THRA: variants seen among roughly 807,000 people sequenced by gnomAD.
THRA encodes the protein thyroid hormone receptor alpha.
THRA carries 13 observed loss-of-function variants against 45.0 expected under a neutral mutation model. The ratio of observed to expected loss-of-function variants is 0.29; its 90% CI spans 0.19 to 0.46. The LOEUF is 0.46. Among genes scored for constraint, THRA ranks in the 20% least tolerant of loss-of-function variants. The pLI is 1.00. For missense variants in THRA, 278 were observed against 556.1 expected, an observed-to-expected ratio of 0.50 and a Z score of 5.03; for synonymous variants, 195 against 214.0, an observed-to-expected ratio of 0.91 and a Z score of 0.78.
At chr17:40,086,946 G>A in intron 7 of THRA, 93 bp downstream of exon 7, 1 of 1,548,300 alleles carries the variant, frequency 6.5e-7, no homozygotes, top group East Asian at 2.3e-5. Context: ...AGGTTCTCTG[G>A]ACAAGGAGCA....
chr17:40,092,721 G>C lies in THRA; in HGVS notation c.*3265G>C, dbSNP rs1987626756. Reference sequence around the variant, plus strand: ...CCACCCCACAAACTGACCAGATGGAGAGGTGGCCCCCCCCAGCCTTGGCAG... The same window carrying C: ...CCACCCCACAAACTGACCAGATGGACAGGTGGCCCCCCCCAGCCTTGGCAG... On this transcript the variant is annotated 3_prime_UTR_variant, in exon 9 of 9. Coordinates refer to ENST00000450525, the MANE Select transcript of THRA (RefSeq NM_199334.5). 1 of 351,150 alleles carries C rather than the reference G, an allele frequency of 2.8e-6. No homozygotes were observed. The highest frequency in any genetic ancestry group is 4.2e-5 in the Admixed American group (1 of 24,066). The allele number at this position is 351,150 out of a possible 1,614,324, so 21.8% of individuals were successfully genotyped here. A position where few individuals can be genotyped will look rare whatever the true frequency, so the allele number is the denominator to read the frequency against.
At position 40,068,015 on chromosome 17, in the gene THRA, C is replaced by A. The variant is rs932072699; in HGVS notation, c.-298+4923C>A. ...AGCCTGAACAACAGAGTGAGACCCCCCACACACACATCCTCTCAAAACAGA... is the reference window on the plus strand; with the variant it reads ...AGCCTGAACAACAGAGTGAGACCCCACACACACACATCCTCTCAAAACAGA... On this transcript the variant is annotated intron_variant, in intron 1 of 8. Transcript: ENST00000450525. 1.6e-4 allele frequency among the ~76,000 whole-genome samples: 25 copies of A among 152,252 alleles called. No homozygotes were observed. The East Asian group carries it at 3.9e-3, about 24-fold the overall frequency.
Position 40,088,368 on chromosome 17 carries a change from C to T in THRA, c.850C>T (p.Arg284Trp), listed in dbSNP as rs772512292. The T allele has an allele frequency of 6.2e-7, 1 of 1,614,110 alleles. No homozygotes were observed. The highest frequency in any genetic ancestry group is 8.5e-7 in the Non-Finnish European group (1 of 1,179,986). The change falls in exon 8 of 9, where the codon CGG (arginine) becomes TGG (tryptophan). Residue 284 changes from arginine to tryptophan, a missense_variant. Physicochemically the swap from Arg to Trp is moderately radical, Grantham distance 101. Transcript: ENST00000450525. ...LTLSGEMAVKREQLKNGGLGV... is the reference protein window; with the variant it reads ...LTLSGEMAVKWEQLKNGGLGV... ...GCTGAGTGGGGAGATGGCTGTCAAGCGGGAGCAGCTCAAGAATGGCGGCCT... is the reference window on the plus strand; with the variant it reads ...GCTGAGTGGGGAGATGGCTGTCAAGTGGGAGCAGCTCAAGAATGGCGGCCT...
intron 2 of THRA, among the ~76,000 whole-genome samples, chr17:40,074,821 C>G (rs1331209549): frequency 1.3e-5 from 2 of 152,210 alleles, no homozygotes; most frequent in African/African-American, 4.8e-5. Flanking sequence ...TCAGATGCCC[C>G]CAACGTCCCT....
rs1232721736 is a variant in THRA at position 40,089,472 on chromosome 17, G to C, written c.*16G>C. The C allele has an allele frequency of 1.9e-6, 3 of 1,613,130 alleles. No individual in the cohort carries two copies. The highest frequency in any genetic ancestry group is 2.2e-5 in the South Asian group (2 of 90,982). ...GGAAGTCTAAAGCCTCAGGCGGCCAGAGGGTGTGCGGAGCTGGTGGGGAGG... is the reference window on the plus strand; with the variant it reads ...GGAAGTCTAAAGCCTCAGGCGGCCACAGGGTGTGCGGAGCTGGTGGGGAGG... On this transcript the variant is annotated 3_prime_UTR_variant, in exon 9 of 9. Coordinates refer to ENST00000450525, the MANE Select transcript of THRA (RefSeq NM_199334.5). The surrounding 1 kb of genome is among the most constrained non-coding windows in gnomAD (Gnocchi z 6.1).
intron 1 of THRA, among the ~76,000 whole-genome samples, chr17:40,063,479 G>GC (rs909810327): frequency 8.9e-4 from 136 of 151,970 alleles, no homozygotes; most frequent in African/African-American, 2.4e-3. Context: ...CCGGAGGCCT[G>GC]CCCCCCCAGC....
At chr17:40,087,440 GACAC>G (rs1054027774) in intron 7 of THRA, among the ~76,000 whole-genome samples, 2 of 148,452 alleles carry the variant, frequency 1.3e-5, no homozygotes, top group Non-Finnish European at 3.0e-5. Flanking sequence ...ACACCTAGCA[GACAC>G]ACACATAGAT....
intron 4 of THRA, among the ~76,000 whole-genome samples, chr17:40,082,758 CTTTTTTTTTTTTTTTT>C (rs920725279): frequency 1.5e-5 from 1 of 67,516 alleles, no homozygotes; most frequent in Non-Finnish European, 2.9e-5. Context: ...GAATCGCATG[CTTTTTTTTTTTTTTTT>C]TTTTTTTTTT....
In THRA at chr17:40,087,048, CACAT is replaced by C. The variant is rs1273596797; in HGVS notation, c.723+199_723+202del. On this transcript the variant is annotated intron_variant, in intron 7 of 8. Coordinates refer to ENST00000450525, the MANE Select transcript of THRA (RefSeq NM_199334.5). ...CCCAGCACACAGGCACACATGCAGA[CACAT>C]ACACGGACACACACACACACCTAGC... The C allele has an allele frequency of 1.0e-5, 7 of 668,462 alleles. 1 individual carries two copies. The highest frequency in any genetic ancestry group is 8.5e-4 in the Middle Eastern group (2 of 2,360). 41.4% of individuals were successfully genotyped at this position (668,462 alleles called of 1,614,324 possible). A position where few individuals can be genotyped will look rare whatever the true frequency, so the allele number is the denominator to read the frequency against.
downstream of THRA, chr17:40,093,317 C>T (rs1987659727): frequency 6.2e-7 from 1 of 1,613,246 alleles, no homozygotes. This position sits in a 1 kb window ranked among gnomAD's most constrained non-coding sequence, Gnocchi z 5.9. Context: ...GGCGGACTCC[C>T]CGAGCTCCTC....
Position 40,074,421 on chromosome 17 carries a change from G to T in THRA, c.-68G>T. The T allele has an allele frequency of 6.5e-7, 1 of 1,542,472 alleles. No homozygotes were observed. The highest frequency in any genetic ancestry group is 1.1e-5 in the South Asian group (1 of 88,912). On this transcript the variant is annotated 5_prime_UTR_variant, in exon 2 of 9. Coordinates refer to ENST00000450525, the MANE Select transcript of THRA (RefSeq NM_199334.5). ...GGGGTGGGTGGCCTGTGGGTGTGCC[G>T]GGGGGGCCAGTGTGCCCACCCCAGT...
upstream of THRA, chr17:40,062,806 C>T (rs1370698694): frequency 3.1e-5 from 4 of 128,730 alleles, no homozygotes; most frequent in Non-Finnish European, 5.0e-5. Flanking sequence ...GGGCGGGCGG[C>T]GGCGAGGCGG....
At position 40,090,831 on chromosome 17, in the gene THRA, CTTCCCCTCTTCTTTTCTCTAA is replaced by C. The variant is rs1987505541; in HGVS notation, c.*1379_*1399del. 1 of 152,300 alleles carries C rather than the reference CTTCCCCTCTTCTTTTCTCTAA, an allele frequency of 6.6e-6. No homozygotes were observed. The highest frequency in any genetic ancestry group is 1.5e-5 in the Non-Finnish European group (1 of 68,144). The allele number at this position is 152,300 out of a possible 1,614,324, so 9.4% of individuals were successfully genotyped here. On this transcript the variant is annotated 3_prime_UTR_variant, in exon 9 of 9. Transcript: ENST00000450525. ...CAGCTGCCCCTCTGCCCCGGGACCC[CTTCCCCTCTTCTTTTCTCTAA>C]TTCAGGGACTTTGGCTTGAGCCCCT...
chr17:40,076,801 A>G, intron 2 of THRA, 70 bp from the exon 3 acceptor site: 1 of 1,523,808 alleles, frequency 6.6e-7, no homozygotes, highest in Non-Finnish European at 9.1e-7. Context: ...GGGATTGCAT[A>G]AGCCTCTCGG....
chr17:40,071,631 CCCTCG>C (rs1181931033), intron 1 of THRA, among the ~76,000 whole-genome samples: 3 of 152,206 alleles, frequency 2.0e-5, no homozygotes, highest in African/African-American at 7.2e-5. Flanking sequence ...GGCAGGGCCT[CCCTCG>C]CCTCTGCAGA....
At position 40,084,647 on chromosome 17, in the gene THRA, G is replaced by C; in HGVS notation, c.408G>C (p.Lys136Asn). The C allele has an allele frequency of 6.2e-7, 1 of 1,614,174 alleles. No homozygotes were observed. Residue 136 changes from lysine to asparagine, a missense_variant, in exon 6 of 9, where the codon AAG becomes AAC. By Grantham distance (94) the Lys-to-Asn change is moderately conservative. Coordinates refer to ENST00000450525, the MANE Select transcript of THRA (RefSeq NM_199334.5). ...ACTCGAAGCGGGTGGCCAAGCGTAA[G>C]CTGATTGAGCAGAACCGGGAGCGGC... ...LDDSKRVAKR[K>N]LIEQNRERRR...
At chr17:40,080,119 G>T (rs571934854) in intron 4 of THRA, among the ~76,000 whole-genome samples, 1 of 151,826 alleles carries the variant, frequency 6.6e-6, no homozygotes, top group Non-Finnish European at 1.5e-5. Context: ...TATGTTAAAG[G>T]CCAGGTATAG....
Position 40,074,480 on chromosome 17 carries a change from T to G in THRA, c.-9T>G, listed in dbSNP as rs781253852. 6.2e-6 allele frequency: 10 copies of G among 1,613,876 alleles called. No individual in the cohort carries two copies. In the African/African-American group the frequency reaches 1.3e-4, roughly 22 times the overall value. On this transcript the variant is annotated 5_prime_UTR_variant, in exon 2 of 9. Transcript: ENST00000450525. ...GTGCTGGAGGGCATCCTGGATGGAA[T>G]TGAAGTGAATGGAACAGAAGCCAAG...
intron 7 of THRA, among the ~76,000 whole-genome samples, chr17:40,087,509 C>T (rs72483252): frequency 0.21 from 31,967 of 152,050 alleles, 4,332 homozygotes; most frequent in East Asian, 0.59. Flanking sequence ...TACAGACACA[C>T]GCCAAGGTCT....
Sources: gnomAD v4.1 joint callset for allele counts (sites outside exome capture counted in the v4.1 genomes callset) on GRCh38, gnomAD v4.1.1 for gene constraint, Gnocchi (gnomAD v3.1) non-coding constraint, MANE v1.5 for transcripts, NCBI Gene and HGNC (gene_info 2026-07-23, HGNC 2026-07-21) for gene names.